The following DIAPH3 variants were observed in gnomAD, a reference collection of about 807,000 sequenced individuals.
DIAPH3 encodes protein diaphanous homolog 3.
DIAPH3 carries 117 observed loss-of-function variants against 144.3 expected under a neutral mutation model. The observed-to-expected ratio is 0.81, with a 90% confidence interval of 0.70 to 0.95. The LOEUF is 0.95. Ranked by LOEUF, DIAPH3 falls within the 40% of genes least tolerant of loss-of-function variation. The pLI is 0.00. For missense variants in DIAPH3, 1,421 were observed against 1,412.7 expected (o/e 1.01, Z -0.09); for synonymous variants, 519 against 488.9 (o/e 1.06, Z -0.81).
chr13:59,947,883 G>A (rs981371087), intron 17 of DIAPH3, among the ~76,000 whole-genome samples: 1 of 152,050 alleles, frequency 6.6e-6, no homozygotes, highest in Non-Finnish European at 1.5e-5. Flanking sequence ...GTCCTACATA[G>A]GGAAGGGAAT....
At chr13:60,023,839 G>A (rs2141041833) in intron 5 of DIAPH3, among the ~76,000 whole-genome samples, 1 of 144,940 alleles carries the variant, frequency 6.9e-6, no homozygotes, top group South Asian at 2.2e-4. Context: ...CAAATTTGGG[G>A]ACTATTCAGC....
intron 4 of DIAPH3, among the ~76,000 whole-genome samples, chr13:60,065,293 C>CAATA (rs2056914509): frequency 7.7e-6 from 1 of 129,286 alleles, no homozygotes; most frequent in Non-Finnish European, 1.7e-5. Context: ...CTGCAAAGAC[C>CAATA]AATAAAGCAA....
At chr13:59,896,924 T>C (rs2046135147) in intron 20 of DIAPH3, among the ~76,000 whole-genome samples, 3 of 152,326 alleles carry the variant, frequency 2.0e-5, no homozygotes, top group African/African-American at 7.2e-5. Context: ...GAAATGCTCA[T>C]CAGTTAGTAT....
At chr13:60,073,897 T>C (rs998491323) in intron 4 of DIAPH3, among the ~76,000 whole-genome samples, 10 of 152,208 alleles carry the variant, frequency 6.6e-5, no homozygotes, top group African/African-American at 2.4e-4. Context: ...CTAATTGAAA[T>C]GTGGTCCATG....
At chr13:60,096,679 G>T (rs1227144443) in intron 3 of DIAPH3, among the ~76,000 whole-genome samples, 3 of 152,142 alleles carry the variant, frequency 2.0e-5, no homozygotes, top group African/African-American at 7.2e-5. Flanking sequence ...GCAGAAGAAA[G>T]GCTAAGTCTC....
chr13:60,107,076 A>G (rs911400145), intron 3 of DIAPH3, among the ~76,000 whole-genome samples: 1 of 152,158 alleles, frequency 6.6e-6, no homozygotes, highest in Non-Finnish European at 1.5e-5. Context: ...TGTGTGAGGT[A>G]GAAATTGATC....
chr13:59,769,730 C>T (rs2038026476), intron 27 of DIAPH3, among the ~76,000 whole-genome samples: 1 of 151,998 alleles, frequency 6.6e-6, no homozygotes, highest in African/African-American at 2.4e-5. Context: ...AATCCAAATT[C>T]CTTGGCCTGG....
At chr13:59,741,879 C>T (rs185621936) in intron 27 of DIAPH3, among the ~76,000 whole-genome samples, 25 of 152,078 alleles carry the variant, frequency 1.6e-4, no homozygotes, top group African/African-American at 4.1e-4. Flanking sequence ...ACCCCTATAA[C>T]GAAAGACATA....
chr13:59,787,217 T>C (rs1162993657), intron 25 of DIAPH3, among the ~76,000 whole-genome samples: 5 of 152,232 alleles, frequency 3.3e-5, no homozygotes, highest in Non-Finnish European at 5.9e-5. Flanking sequence ...ATTAAAAAAA[T>C]GTGTTCAATA....
intron 27 of DIAPH3, among the ~76,000 whole-genome samples, chr13:59,690,187 T>C (rs947048821): frequency 2.0e-5 from 3 of 152,138 alleles, no homozygotes; most frequent in Non-Finnish European, 1.5e-5. Context: ...TCTAATTTCA[T>C]TTGTCTGTGA....
chr13:60,074,482 C>A (rs1259412108), intron 4 of DIAPH3, among the ~76,000 whole-genome samples: 1 of 152,150 alleles, frequency 6.6e-6, no homozygotes, highest in Non-Finnish European at 1.5e-5. Context: ...ACCACATTAT[C>A]CTTTGTGTGT....
intron 4 of DIAPH3, among the ~76,000 whole-genome samples, chr13:60,059,042 A>G (rs1259493587): frequency 6.6e-6 from 1 of 151,910 alleles, no homozygotes; most frequent in African/African-American, 2.4e-5. Flanking sequence ...TAAAAATATT[A>G]ATTAGATTAA....
intron 20 of DIAPH3, among the ~76,000 whole-genome samples, chr13:59,889,214 T>C (rs1284245814): frequency 2.0e-5 from 3 of 152,084 alleles, no homozygotes; most frequent in Admixed American, 2.0e-4. Context: ...ACAATCTTAC[T>C]CTCTTATCCT....
chr13:59,879,087 C>T, intron 21 of DIAPH3, 142 bp downstream of exon 21: 5 of 1,189,390 alleles, frequency 4.2e-6, no homozygotes, highest in Non-Finnish European at 5.8e-6. Context: ...GCTCAGTTCA[C>T]TCTGGGTTTG....
At chr13:59,798,877 A>G (rs2039746228) in intron 25 of DIAPH3, among the ~76,000 whole-genome samples, 1 of 152,126 alleles carries the variant, frequency 6.6e-6, no homozygotes, top group Non-Finnish European at 1.5e-5. Context: ...TGAGTCCAAG[A>G]GTGGAGGTGT....
At chr13:59,920,714 A>G (rs1445745881) in intron 18 of DIAPH3, among the ~76,000 whole-genome samples, 4 of 151,864 alleles carry the variant, frequency 2.6e-5, no homozygotes, top group Non-Finnish European at 5.9e-5. Flanking sequence ...AACATGAACT[A>G]GAAAATGAAC....
At chr13:59,766,919 C>A (rs2037889615) in intron 27 of DIAPH3, among the ~76,000 whole-genome samples, 1 of 152,172 alleles carries the variant, frequency 6.6e-6, no homozygotes, top group African/African-American at 2.4e-5. Context: ...TCAGTCCAAT[C>A]TGTGCTCGGG....
At chr13:59,994,100 G>A (rs990467967) in intron 9 of DIAPH3, among the ~76,000 whole-genome samples, 2 of 151,552 alleles carry the variant, frequency 1.3e-5, no homozygotes, top group African/African-American at 4.8e-5. Flanking sequence ...ATTATTTCCG[G>A]GAACTATTCA....
chr13:59,832,559 T>G lies in DIAPH3; in HGVS notation c.3027+548A>C, dbSNP rs536789903. 2.0e-5 allele frequency among the ~76,000 whole-genome samples: 3 copies of G among 151,778 alleles called. No individual in the cohort carries two copies. The South Asian group carries it at 6.2e-4, about 31-fold the overall frequency. ...GTGTAGTTCTTTTCTTCCCCCCACCTAATCAGCTAATATGTTTGAAAAGAT... is the reference window on the plus strand; with the variant it reads ...GTGTAGTTCTTTTCTTCCCCCCACCGAATCAGCTAATATGTTTGAAAAGAT... On this transcript the variant is annotated intron_variant, in intron 24 of 27. Transcript: ENST00000400324.
Sources: allele counts gnomAD v4.1 joint callset (sites outside exome capture counted in the v4.1 genomes callset), GRCh38; gene constraint gnomAD v4.1.1; transcripts MANE v1.5; gene names NCBI Gene and HGNC (gene_info 2026-07-23, HGNC 2026-07-21).